BCL11B: variants seen among roughly 807,000 people sequenced by gnomAD.
BCL11B encodes BCL11 transcription factor B, also known as B-cell lymphoma/leukemia 11B.
Under a neutral mutation model 49.9 loss-of-function variants are expected in BCL11B, and 8 were observed. The ratio of observed to expected loss-of-function variants is 0.16; its 90% confidence interval spans 0.09 to 0.29. The LOEUF is 0.29. BCL11B is among the 10% of genes least tolerant of loss of function. BCL11B has a pLI of 1.00. For missense variants in BCL11B, 1,006 were observed against 1,351.0 expected (o/e 0.74, Z 4.00); for synonymous variants, 739 against 637.4 (o/e 1.16, Z -2.40).
chr14:99,240,337 C>T (rs755697001), intron 2 of BCL11B, among the ~76,000 whole-genome samples: 12 of 152,180 alleles, frequency 7.9e-5, no homozygotes, highest in Non-Finnish European at 1.3e-4. Context: ...ATACAGCTCT[C>T]CCCTGGATTT....
chr14:99,197,840 G>C (rs573954315), intron 3 of BCL11B, among the ~76,000 whole-genome samples: 2 of 152,158 alleles, frequency 1.3e-5, no homozygotes, highest in African/African-American at 4.8e-5. Flanking sequence ...TCTGGGTCAT[G>C]CACCCCCAGC....
intron 2 of BCL11B, among the ~76,000 whole-genome samples, chr14:99,234,855 C>CAAAAA (rs34831762): frequency 1.2e-4 from 8 of 66,618 alleles, no homozygotes; most frequent in Admixed American, 1.8e-4. Context: ...GGTCTATGCA[C>CAAAAA]AAAAAAAAAA....
chr14:99,267,623 G>C (rs1889525863), intron 1 of BCL11B, among the ~76,000 whole-genome samples: 1 of 150,322 alleles, frequency 6.7e-6, no homozygotes, highest in Non-Finnish European at 1.5e-5. Flanking sequence ...AATTCTGAAA[G>C]ACATGTGGAC....
chr14:99,271,004 G>GC (rs1429429232), intron 1 of BCL11B, among the ~76,000 whole-genome samples, 157 bp downstream of exon 1: 1 of 151,324 alleles, frequency 6.6e-6, no homozygotes, highest in Non-Finnish European at 1.5e-5. Context: ...TATGGCCCCC[G>GC]CCCCCCGCCA....
At chr14:99,266,344 G>A (rs1173376692) in intron 1 of BCL11B, among the ~76,000 whole-genome samples, 10 of 152,102 alleles carry the variant, frequency 6.6e-5, no homozygotes, top group Admixed American at 2.0e-4. Flanking sequence ...TGAGCAGTAC[G>A]CCTTCCCCAG....
chr14:99,262,858 G>C lies in BCL11B; in HGVS notation c.59-5019C>G, dbSNP rs1039922758. ...AAGAGAAAATAACAACCGTAGGGAG[G>C]GGGGAGGAGAAGGGTGGAGGGGGAG... is the stretch of plus-strand genomic sequence containing the variant. On this transcript the variant is annotated intron_variant, in intron 1 of 3. Transcript: ENST00000357195. This position sits in a 1 kb window ranked among gnomAD's most constrained non-coding sequence, Gnocchi z 4.2. 16 of 152,190 alleles carry C rather than the reference G, an allele frequency of 1.1e-4. No individual in the cohort carries two copies. Among genetic ancestry groups the C allele is most frequent in the African/African-American group, 2.2e-4 (9 of 41,476 alleles). 9.4% of individuals were successfully genotyped at this position (152,190 alleles called of 1,614,324 possible). A position where few individuals can be genotyped will look rare whatever the true frequency, so the allele number is the denominator to read the frequency against.
At chr14:99,226,763 G>A (rs1888173668) in intron 3 of BCL11B, among the ~76,000 whole-genome samples, 1 of 152,178 alleles carries the variant, frequency 6.6e-6, no homozygotes, top group African/African-American at 2.4e-5. Context: ...GGATATAATT[G>A]AAGGAGGAGA....
intron 3 of BCL11B, among the ~76,000 whole-genome samples, chr14:99,222,780 T>C (rs1888047843): frequency 6.6e-6 from 1 of 152,182 alleles, no homozygotes; most frequent in African/African-American, 2.4e-5. Context: ...AAAACCCCTG[T>C]AGATCTCCCA....
At position 99,244,755 on chromosome 14, in the gene BCL11B, G is replaced by A. The variant is rs776319257; in HGVS notation, c.427+12716C>T. 7.2e-5 allele frequency among the ~76,000 whole-genome samples: 11 copies of A among 152,174 alleles called. 1 individual carries two copies. The highest frequency in any genetic ancestry group is 2.9e-5 in the Non-Finnish European group (2 of 68,036). ...CAGAAAAGCTGGCTGCTCAAAGTTC[G>A]GGTTAGCTAAATCTGAGATTTTAAA... On this transcript the variant is annotated intron_variant, in intron 2 of 3. Coordinates refer to ENST00000357195, the MANE Select transcript of BCL11B (RefSeq NM_138576.4).
chr14:99,248,110 G>A lies in BCL11B; in HGVS notation c.427+9361C>T, dbSNP rs1395476670. On this transcript the variant is annotated intron_variant, in intron 2 of 3. Transcript: ENST00000357195. This position sits in a 1 kb window ranked among gnomAD's most constrained non-coding sequence, Gnocchi z 4.7. ...CCAGTTTCCCAGCTGTCTGAGCAGC[G>A]AGGGGCAGATGCTTTCCCAGACCTG... is the stretch of plus-strand genomic sequence containing the variant. Among the ~76,000 whole-genome samples the A allele has an allele frequency of 6.6e-6, 1 of 152,082 alleles. No individual in the cohort carries two copies. The highest frequency in any genetic ancestry group is 6.5e-5 in the Admixed American group (1 of 15,282).
At chr14:99,218,384 A>AT (rs1173964833) in intron 3 of BCL11B, among the ~76,000 whole-genome samples, 1 of 151,602 alleles carries the variant, frequency 6.6e-6, no homozygotes, top group South Asian at 2.1e-4. Flanking sequence ...CCGGCCACAG[A>AT]TTTTTTTAAG....
Position 99,255,405 on chromosome 14 carries a change from GAAAAAAAAAAAAAAA to G in BCL11B, c.427+2051_427+2065del, listed in dbSNP as rs67440207. Among the ~76,000 whole-genome samples, 143 of 65,176 alleles carry G rather than the reference GAAAAAAAAAAAAAAA, an allele frequency of 2.2e-3. 2 individuals are homozygous for G. The highest frequency in any genetic ancestry group is 2.8e-3 in the Non-Finnish European group (105 of 37,200). The allele number at this position is 65,176 out of a possible 152,430, so 42.8% of individuals were successfully genotyped here. On this transcript the variant is annotated intron_variant, in intron 2 of 3. Coordinates refer to ENST00000357195, the MANE Select transcript of BCL11B (RefSeq NM_138576.4). ...TAGGCTGCTGCAGTATCACAACCTG[GAAAAAAAAAAAAAAA>G]AAAAAAAAAAAAAAACAGGGGGGCC...
chr14:99,224,007 G>A (rs1041417582), intron 3 of BCL11B, among the ~76,000 whole-genome samples: 4 of 152,186 alleles, frequency 2.6e-5, no homozygotes, highest in African/African-American at 7.2e-5. Flanking sequence ...CCCCCACCAC[G>A]GTGAGTTCCT....
rs1360633345 is a variant in BCL11B at position 99,173,097 on chromosome 14, AAG to A, written c.*1052_*1053del. The A allele has an allele frequency of 2.6e-5, 6 of 230,438 alleles. No individual in the cohort carries two copies. In the Admixed American group the frequency reaches 3.4e-4, roughly 13 times the overall value. The allele number at this position is 230,438 out of a possible 1,614,324, so 14.3% of individuals were successfully genotyped here. The stretch of plus-strand genomic sequence containing the variant: ...TTATGTGGTGGGGGTGATTTAAAAA[AAG>A]AGAGAAGCCGTCAAGCCAGAAAACG... On this transcript the variant is annotated 3_prime_UTR_variant, in exon 4 of 4. Transcript: ENST00000357195.
intron 2 of BCL11B, among the ~76,000 whole-genome samples, chr14:99,235,479 A>G (rs1274883739): frequency 6.6e-6 from 1 of 152,216 alleles, no homozygotes; most frequent in Non-Finnish European, 1.5e-5. Context: ...CATGAATGCA[A>G]AAAGCATGAT....
chr14:99,175,141 G>C lies in BCL11B; in HGVS notation c.1695C>G (p.Asn565Lys). Residue 565 changes from asparagine to lysine, a missense_variant, in exon 4 of 4, where the codon AAC becomes AAG. Coordinates refer to ENST00000357195, the MANE Select transcript of BCL11B (RefSeq NM_138576.4). ...GCACCCCACCACCGCCGTTCTCGCG[G>C]TTGCGGCTCAGCTCCGAGTCCATGC... is the stretch of plus-strand genomic sequence containing the variant. Reference protein sequence around the residue: ...SFSMDSELSRNRENGGGGVPG... With the variant: ...SFSMDSELSRKRENGGGGVPG... 1 of 1,596,286 alleles carries C rather than the reference G, an allele frequency of 6.3e-7. No homozygotes were observed. Among genetic ancestry groups the C allele is most frequent in the South Asian group, 1.1e-5 (1 of 90,312 alleles).
At position 99,213,243 on chromosome 14, in the gene BCL11B, C is replaced by T. The variant is rs1012857820; in HGVS notation, c.640+18102G>A. On this transcript the variant is annotated intron_variant, in intron 3 of 3. Coordinates refer to ENST00000357195, the MANE Select transcript of BCL11B (RefSeq NM_138576.4). This position sits in a 1 kb window ranked among gnomAD's most constrained non-coding sequence, Gnocchi z 5.1. ...AATGAAGAAGGGAGCCCCGGAGGCT[C>T]GGCCGACCTGGGTGTGCCAGCACAA... Among the ~76,000 whole-genome samples the T allele has an allele frequency of 2.0e-5, 3 of 152,182 alleles. No individual in the cohort carries two copies. The highest frequency in any genetic ancestry group is 4.8e-5 in the African/African-American group (2 of 41,440).
rs751446043 is a variant in BCL11B, at chr14:99,175,615, C to G, written c.1221G>C (p.Pro407=). The part of the protein sequence containing the change: ...PSPKSPFLST[P]PLPPMPPGGT... ...CGCCAGGGGGCATGGGCGGCAGCGG[C>G]GGCGTGCTCAGGAACGGGGACTTGG... Residue 407 remains proline, a synonymous_variant, in exon 4 of 4, where the codon CCG becomes CCC. Coordinates refer to ENST00000357195, the MANE Select transcript of BCL11B (RefSeq NM_138576.4). 161 of 1,562,068 alleles carry G rather than the reference C, an allele frequency of 1.0e-4. No homozygotes were observed. The highest frequency in any genetic ancestry group is 1.3e-4 in the Non-Finnish European group (150 of 1,161,276).
At position 99,174,065 on chromosome 14, in the gene BCL11B, C is replaced by A. The variant is rs1276958844; in HGVS notation, c.*86G>T. On this transcript the variant is annotated 3_prime_UTR_variant, in exon 4 of 4. Transcript: ENST00000357195. The stretch of plus-strand genomic sequence containing the variant: ...CGGGGACACGCGGGGTGCGGGGTGG[C>A]GGTGACACGGAGGCAAGTCAGGTCA... The A allele has an allele frequency of 1.5e-6, 2 of 1,378,574 alleles. No individual in the cohort carries two copies. The highest frequency in any genetic ancestry group is 2.0e-5 in the Admixed American group (1 of 51,006). 85.4% of individuals were successfully genotyped at this position (1,378,574 alleles called of 1,614,324 possible).
Sources: allele counts gnomAD v4.1 joint callset (sites outside exome capture counted in the v4.1 genomes callset), GRCh38; gene constraint gnomAD v4.1.1; non-coding constraint Gnocchi (gnomAD v3.1); transcripts MANE v1.5; gene names NCBI Gene and HGNC (gene_info 2026-07-23, HGNC 2026-07-21).